Variants in WNT5B observed in about 807,000 individuals in gnomAD.
WNT5B encodes the protein Wnt family member 5B, also known as protein Wnt-5b.
WNT5B carries 18 observed loss-of-function variants against 36.5 expected under a neutral mutation model. That is an observed-to-expected ratio of 0.49 (90% CI 0.34 to 0.73). The LOEUF (loss-of-function observed/expected upper bound fraction) is 0.73. WNT5B is among the 30% of genes least tolerant of loss of function. The probability of loss-of-function intolerance (pLI) is 0.01; values close to 1 mark genes in which losing one functional copy is unlikely to be tolerated. For missense variants in WNT5B, 424 were observed against 508.4 expected, an observed-to-expected ratio of 0.83 and a Z score of 1.60; for synonymous variants, 213 against 212.3, an observed-to-expected ratio of 1.00 and a Z score of -0.03.
upstream of WNT5B, among the ~76,000 whole-genome samples, chr12:1,624,396 A>G (rs1302395279): frequency 6.6e-6 from 1 of 151,268 alleles, no homozygotes; most frequent in Non-Finnish European, 1.5e-5. Flanking sequence ...AAAAAAAAAA[A>G]AAAAAGAGAA....
In WNT5B at chr12:1,633,007, G is replaced by A. The variant is rs1183564198; in HGVS notation, c.328+102G>A. Reference sequence around the variant, plus strand: ...CTGGCACAGGGAGAGCCCAAAGGCAGCCTAAGTGGGCTCTCTCTAGGCTTG... The same window carrying A: ...CTGGCACAGGGAGAGCCCAAAGGCAACCTAAGTGGGCTCTCTCTAGGCTTG... On this transcript the variant is annotated intron_variant, in intron 3 of 4. Transcript: ENST00000397196. The surrounding 1 kb of genome is among the most constrained non-coding windows in gnomAD (Gnocchi z 4.8). The A allele has an allele frequency of 1.3e-6, 2 of 1,484,228 alleles. No individual in the cohort carries two copies. Among genetic ancestry groups the A allele is most frequent in the Non-Finnish European group, 1.8e-6 (2 of 1,113,740 alleles). 91.9% of individuals were successfully genotyped at this position (1,484,228 alleles called of 1,614,324 possible). A position where few individuals can be genotyped will look rare whatever the true frequency, so the allele number is the denominator to read the frequency against.
intron 4 of WNT5B, among the ~76,000 whole-genome samples, chr12:1,645,258 A>G (rs735890): frequency 0.21 from 32,445 of 152,100 alleles, 4,063 homozygotes; most frequent in African/African-American, 0.35. Flanking sequence ...TTGTTTCTAG[A>G]GATGGAGTCT....
In WNT5B at chr12:1,646,204, C is replaced by A; in HGVS notation, c.1032C>A (p.Val344=). 1.2e-6 allele frequency: 2 copies of A among 1,613,816 alleles called. No individual in the cohort carries two copies. ...GCAAGTTCCACTGGTGCTGCTTCGT[C>A]AGGTGTAAGAAGTGCACGGAGATCG... ...CHCKFHWCCF[V]RCKKCTEIVD... The change falls in exon 5 of 5, where the codon GTC becomes GTA. Residue 344 remains valine, a synonymous_variant. Coordinates refer to ENST00000397196, the MANE Select transcript of WNT5B (RefSeq NM_032642.3).
chr12:1,621,667 A>T (rs1239320075), intron 1 of WNT5B, among the ~76,000 whole-genome samples: 1 of 151,296 alleles, frequency 6.6e-6, no homozygotes, highest in East Asian at 1.9e-4. Flanking sequence ...TCAGCCTCCT[A>T]AGTAGCTAGG....
At chr12:1,623,483 C>G (rs1326648071) in intron 1 of WNT5B, among the ~76,000 whole-genome samples, 6 of 152,104 alleles carry the variant, frequency 3.9e-5, no homozygotes, top group African/African-American at 1.2e-4. Context: ...GCTTGAGCCA[C>G]CGCGCCCGGC....
chr12:1,622,251 C>T (rs1440800725), intron 1 of WNT5B, among the ~76,000 whole-genome samples: 1 of 152,032 alleles, frequency 6.6e-6, no homozygotes, highest in Non-Finnish European at 1.5e-5. Context: ...GCTGGGACTA[C>T]AGGCGCCCGC....
At chr12:1,621,935 A>C (rs1451537230) in intron 1 of WNT5B, among the ~76,000 whole-genome samples, 2 of 152,064 alleles carry the variant, frequency 1.3e-5, no homozygotes, top group Admixed American at 6.5e-5. Context: ...TCATTGCACT[A>C]TCTCTCCTCT....
Position 1,646,277 on chromosome 12 carries a change from C to G in WNT5B, c.*25C>G, listed in dbSNP as rs1323044459. ...GCCCGGAGGGCCTGCTCCCGGCCCCCCTGCACTCTGCCTCACAAAGGTCTA... is the reference window on the plus strand; with the variant it reads ...GCCCGGAGGGCCTGCTCCCGGCCCCGCTGCACTCTGCCTCACAAAGGTCTA... On this transcript the variant is annotated 3_prime_UTR_variant, in exon 5 of 5. Transcript: ENST00000397196. 13 of 1,575,126 alleles carry G rather than the reference C, an allele frequency of 8.3e-6. No homozygotes were observed. The highest frequency in any genetic ancestry group is 1.1e-5 in the Non-Finnish European group (13 of 1,161,624).
At chr12:1,636,687 C>T (rs989654007) in intron 3 of WNT5B, among the ~76,000 whole-genome samples, 1 of 151,216 alleles carries the variant, frequency 6.6e-6, no homozygotes, top group African/African-American at 2.4e-5. Context: ...ACTACAGGCA[C>T]ATGCTACCAT....
At chr12:1,640,329 A>G (rs990784192) in intron 4 of WNT5B, among the ~76,000 whole-genome samples, 1 of 152,350 alleles carries the variant, frequency 6.6e-6, no homozygotes, top group South Asian at 2.1e-4. Flanking sequence ...TTGAATAGAT[A>G]ATGCGATGGG....
chr12:1,627,961 A>G (rs1051060362), upstream of WNT5B, among the ~76,000 whole-genome samples: 1 of 152,162 alleles, frequency 6.6e-6, no homozygotes, highest in African/African-American at 2.4e-5. This position sits in a 1 kb window ranked among gnomAD's most constrained non-coding sequence, Gnocchi z 5.0. Context: ...TAACTGGCAC[A>G]TATTAGGCAC....
At chr12:1,625,926 G>T (rs143516007), upstream of WNT5B, among the ~76,000 whole-genome samples, 2,009 of 150,738 alleles carry the variant, frequency 0.013, 48 homozygotes, top group African/African-American at 0.047. Context: ...GCCTCCCGAA[G>T]CGCTAGGATT....
intron 1 of WNT5B, among the ~76,000 whole-genome samples, chr12:1,623,184 G>GGTTTTTTTTTTTTTT (rs1272170104): frequency 1.1e-4 from 6 of 53,490 alleles, no homozygotes; most frequent in African/African-American, 4.4e-4. Flanking sequence ...AGGGTTTTTT[G>GGTTTTTTTTTTTTTT]TTGTTTTTTT....
In WNT5B at chr12:1,645,955, C is replaced by T. The variant is rs1033585405; in HGVS notation, c.783C>T (p.Gly261=). 6.2e-7 allele frequency: 1 copy of T among 1,610,222 alleles called. No homozygotes were observed. Among genetic ancestry groups the T allele is most frequent in the African/African-American group, 1.3e-5 (1 of 74,958 alleles). ...CCGCCATGCGCGTCACCCGCAAGGGCCGGCTGGAGCTGGTCAACAGCCGCT... is the reference window on the plus strand; with the variant it reads ...CCGCCATGCGCGTCACCCGCAAGGGTCGGCTGGAGCTGGTCAACAGCCGCT... ...SAAAMRVTRK[G]RLELVNSRFT... Residue 261 remains glycine, a synonymous_variant, in exon 5 of 5, where the codon GGC becomes GGT. Coordinates refer to ENST00000397196, the MANE Select transcript of WNT5B (RefSeq NM_032642.3).
intron 2 of WNT5B, among the ~76,000 whole-genome samples, 180 bp downstream of exon 2, chr12:1,631,614 G>C (rs942694711): frequency 6.6e-6 from 1 of 152,200 alleles, no homozygotes; most frequent in Admixed American, 6.5e-5. Context: ...ATCTTTGTAA[G>C]GGTTCCCTGA....
intron 4 of WNT5B, among the ~76,000 whole-genome samples, 174 bp downstream of exon 4, chr12:1,640,150 G>T (rs1228384675): frequency 1.3e-5 from 2 of 152,168 alleles, no homozygotes; most frequent in African/African-American, 4.8e-5. Flanking sequence ...TTTTCAAAAT[G>T]CCCCACTTCC....
At chr12:1,622,625 G>A (rs1436112004) in intron 1 of WNT5B, among the ~76,000 whole-genome samples, 4 of 152,140 alleles carry the variant, frequency 2.6e-5, no homozygotes, top group South Asian at 4.1e-4. Context: ...GCTGGCCTTC[G>A]TGGCCTGCTT....
intron 1 of WNT5B, among the ~76,000 whole-genome samples, chr12:1,619,735 G>T (rs934005964): frequency 2.0e-5 from 3 of 152,128 alleles, no homozygotes; most frequent in Admixed American, 2.0e-4. Context: ...TGCTGAGTCG[G>T]CTCCTGGCGT....
chr12:1,631,598 A>G (rs2094550988), intron 2 of WNT5B, among the ~76,000 whole-genome samples, 164 bp downstream of exon 2: 4 of 151,880 alleles, frequency 2.6e-5, no homozygotes, highest in Admixed American at 2.6e-4. Flanking sequence ...GTCTCTCTCA[A>G]CCCTTATCTT....
Sources: allele counts gnomAD v4.1 joint callset (sites outside exome capture counted in the v4.1 genomes callset), GRCh38; gene constraint gnomAD v4.1.1; non-coding constraint Gnocchi (gnomAD v3.1); transcripts MANE v1.5; gene names NCBI Gene and HGNC (gene_info 2026-07-23, HGNC 2026-07-21).